Variants in ZBTB44 observed in about 807,000 individuals in gnomAD.
ZBTB44 encodes zinc finger and BTB domain-containing protein 44.
In ZBTB44, 15 loss-of-function variants were observed where a neutral mutation model predicts 54.0. The ratio of observed to expected loss-of-function variants is 0.28; its 90% CI spans 0.19 to 0.43. The LOEUF (loss-of-function observed/expected upper bound fraction) is 0.43. ZBTB44 is among the 20% of genes least tolerant of loss of function. The pLI, the probability that ZBTB44 is intolerant of heterozygous loss-of-function variation, is 1.00. For synonymous variants in ZBTB44, 230 were observed against 250.1 expected (o/e 0.92, Z 0.76); for missense variants, 487 against 707.1 (o/e 0.69, Z 3.53).
chr11:130,260,727 T>C (rs1938802523), intron 2 of ZBTB44, 129 bp downstream of exon 2: 8 of 1,087,148 alleles, frequency 7.4e-6, no homozygotes, highest in Non-Finnish European at 1.0e-5. Context: ...CTCAAGCAAA[T>C]CCAGTTACCA....
intron 1 of ZBTB44, among the ~76,000 whole-genome samples, chr11:130,284,422 G>A (rs1397262485): frequency 1.3e-5 from 2 of 152,166 alleles, no homozygotes; most frequent in Non-Finnish European, 2.9e-5. Context: ...ATTTACTGGT[G>A]GCATATACTT....
chr11:130,253,165 G>C (rs1041903152), intron 2 of ZBTB44, among the ~76,000 whole-genome samples: 8 of 152,202 alleles, frequency 5.3e-5, no homozygotes, highest in African/African-American at 1.9e-4. Flanking sequence ...AGACAGGGAT[G>C]CCCTTTCTCA....
Position 130,229,331 on chromosome 11 carries a change from C to T in ZBTB44, c.*2433G>A, listed in dbSNP as rs2136238013. 1 of 152,254 alleles carries T rather than the reference C, an allele frequency of 6.6e-6. No homozygotes were observed. The highest frequency in any genetic ancestry group is 1.9e-4 in the East Asian group (1 of 5,188). 9.4% of individuals were successfully genotyped at this position (152,254 alleles called of 1,614,324 possible). ...ACAAGTCTTCATCCCATAACTGACACAGGCTTAACCCCCCATAAATATTAC... is the reference window on the plus strand; with the variant it reads ...ACAAGTCTTCATCCCATAACTGACATAGGCTTAACCCCCCATAAATATTAC... On this transcript the variant is annotated 3_prime_UTR_variant, in exon 8 of 8. Coordinates refer to ENST00000357899, the MANE Select transcript of ZBTB44 (RefSeq NM_001301098.2).
At chr11:130,271,615 T>C (rs570052749) in intron 1 of ZBTB44, among the ~76,000 whole-genome samples, 7 of 152,322 alleles carry the variant, frequency 4.6e-5, no homozygotes, top group African/African-American at 1.7e-4. Flanking sequence ...AATGTGGACG[T>C]TTGGGGCTCA....
At chr11:130,260,412 C>A (rs983395333) in intron 2 of ZBTB44, among the ~76,000 whole-genome samples, 1 of 152,218 alleles carries the variant, frequency 6.6e-6, no homozygotes, top group Non-Finnish European at 1.5e-5. Flanking sequence ...CTACTTTGTT[C>A]ACACCTCCAG....
At chr11:130,303,242 T>G (rs544647723) in intron 1 of ZBTB44, among the ~76,000 whole-genome samples, 1 of 152,322 alleles carries the variant, frequency 6.6e-6, no homozygotes, top group Admixed American at 6.5e-5. Flanking sequence ...TTCCAGAGAC[T>G]CACAGTCTTA....
intron 1 of ZBTB44, among the ~76,000 whole-genome samples, chr11:130,264,355 G>A (rs1175699666): frequency 6.6e-6 from 1 of 152,112 alleles, no homozygotes; most frequent in East Asian, 1.9e-4. Flanking sequence ...AAGAGAGAAA[G>A]AAAGAAAAAG....
At chr11:130,290,569 C>T (rs546374633) in intron 1 of ZBTB44, among the ~76,000 whole-genome samples, 1 of 152,284 alleles carries the variant, frequency 6.6e-6, no homozygotes, top group East Asian at 1.9e-4. Context: ...ATTTCCTTGC[C>T]TTCAGTCTCA....
chr11:130,240,777 T>G (rs894190453), intron 2 of ZBTB44, among the ~76,000 whole-genome samples: 1 of 152,218 alleles, frequency 6.6e-6, no homozygotes, highest in Non-Finnish European at 1.5e-5. Context: ...TGAATACAAG[T>G]ATCCATAAGG....
chr11:130,276,241 A>AAAAAAAAG (rs1184875134), intron 1 of ZBTB44, among the ~76,000 whole-genome samples: 2 of 143,592 alleles, frequency 1.4e-5, no homozygotes, highest in African/African-American at 5.2e-5. Flanking sequence ...TCAAAAAAAA[A>AAAAAAAAG]AAAAAGAAAA....
chr11:130,242,782 A>G (rs186543997), intron 2 of ZBTB44, among the ~76,000 whole-genome samples: 12 of 152,102 alleles, frequency 7.9e-5, no homozygotes, highest in African/African-American at 2.9e-4. Context: ...TCTTTTTACT[A>G]TTCCTGTTTG....
In ZBTB44 at chr11:130,261,584, T is replaced by C; in HGVS notation, c.290A>G (p.Asn97Ser). 3 of 1,614,024 alleles carry C rather than the reference T, an allele frequency of 1.9e-6. No individual in the cohort carries two copies. The highest frequency in any genetic ancestry group is 2.5e-6 in the Non-Finnish European group (3 of 1,179,890). ...EYAYTATLSINTENIIDVLAA... is the reference protein window; with the variant it reads ...EYAYTATLSISTENIIDVLAA... ...TAGAACATCAATAATATTTTCTGTG[T>C]TAATTGATAGAGTGGCTGTGTAAGC... is the stretch of plus-strand genomic sequence containing the variant. Residue 97 changes from asparagine (N) to serine (S), a missense_variant, in exon 2 of 8, where the codon AAC (asparagine) becomes AGC (serine). Coordinates refer to ENST00000357899, the MANE Select transcript of ZBTB44 (RefSeq NM_001301098.2). This position sits in a 1 kb window ranked among gnomAD's most constrained non-coding sequence, Gnocchi z 4.8.
intron 7 of ZBTB44, chr11:130,232,213 C>T (rs935892019): frequency 1.3e-5 from 2 of 152,136 alleles, no homozygotes; most frequent in African/African-American, 2.4e-5. Context: ...AAAATATATA[C>T]ATTTAGTATG....
At chr11:130,231,768 G>A (rs1953883799) in intron 7 of ZBTB44, 53 bp from the exon 8 acceptor site, 2 of 151,994 alleles carry the variant, frequency 1.3e-5, no homozygotes, top group Non-Finnish European at 2.9e-5. Flanking sequence ...TGTCAATACA[G>A]ATTTTAAAAT....
intron 2 of ZBTB44, among the ~76,000 whole-genome samples, chr11:130,252,312 C>T (rs1447463974): frequency 6.6e-6 from 1 of 152,154 alleles, no homozygotes; most frequent in African/African-American, 2.4e-5. Flanking sequence ...CTTAGACCCC[C>T]ACACAATAAT....
At chr11:130,260,804 A>G in intron 2 of ZBTB44, 52 bp downstream of exon 2, 1 of 1,519,166 alleles carries the variant, frequency 6.6e-7, no homozygotes, top group Non-Finnish European at 8.8e-7. Context: ...AGGAACTTAA[A>G]AATGTTTGAA....
At chr11:130,308,906 C>A (rs995828727) in intron 1 of ZBTB44, among the ~76,000 whole-genome samples, 2 of 152,068 alleles carry the variant, frequency 1.3e-5, no homozygotes, top group East Asian at 1.9e-4. Context: ...AGGAGTCAGG[C>A]GGGTGGGAAA....
chr11:130,240,527 A>G (rs1954317389), intron 2 of ZBTB44, among the ~76,000 whole-genome samples: 1 of 152,188 alleles, frequency 6.6e-6, no homozygotes, highest in African/African-American at 2.4e-5. Context: ...AAACACTGAA[A>G]TTCTTATTTT....
chr11:130,304,299 A>G (rs921217504), intron 1 of ZBTB44, among the ~76,000 whole-genome samples: 5 of 152,212 alleles, frequency 3.3e-5, no homozygotes, highest in East Asian at 1.9e-4. Flanking sequence ...AAAACACCCC[A>G]TAACGCTTAT....
Sources: allele counts gnomAD v4.1 joint callset (sites outside exome capture counted in the v4.1 genomes callset), GRCh38; gene constraint gnomAD v4.1.1; non-coding constraint Gnocchi (gnomAD v3.1); transcripts MANE v1.5; gene names NCBI Gene and HGNC (gene_info 2026-07-23, HGNC 2026-07-21).